The following PFKFB4 variants were observed in gnomAD, a reference collection of about 807,000 sequenced individuals.
PFKFB4 encodes 6-phosphofructo-2-kinase/fructose-2,6-bisphosphatase 4.
A neutral mutation model predicts 62.8 loss-of-function variants in PFKFB4; 42 were observed. The observed-to-expected ratio is 0.67, with a 90% CI of 0.52 to 0.86. The LOEUF is 0.86. PFKFB4 is among the 40% of genes least tolerant of loss of function. The pLI, the probability that PFKFB4 is intolerant of heterozygous loss-of-function variation, is 0.00. For synonymous variants in PFKFB4, 204 were observed against 240.7 expected, an observed-to-expected ratio of 0.85 and a Z score of 1.41; for missense variants, 475 against 627.2, an observed-to-expected ratio of 0.76 and a Z score of 2.59.
At chr3:48,556,936 CCCCAGCTGAAAGGGG>C, upstream of PFKFB4, 1 of 1,400,702 alleles carries the variant, frequency 7.1e-7, no homozygotes, top group Non-Finnish European at 9.3e-7. The surrounding 1 kb of genome is among the most constrained non-coding windows in gnomAD (Gnocchi z 5.7). Flanking sequence ...GTAGGCTCCG[CCCCAGCTGAAAGGGG>C]CCCGGCCTCC....
At chr3:48,550,050 T>A in intron 2 of PFKFB4, 68 bp downstream of exon 2, 3 of 1,281,594 alleles carry the variant, frequency 2.3e-6, no homozygotes, top group South Asian at 1.2e-5. Context: ...TAATAGAGAA[T>A]AGGCCTTCTC....
rs769397749 is a variant in PFKFB4, at chr3:48,539,272, G to A, written c.492C>T (p.Val164=). 9.3e-6 allele frequency: 15 copies of A among 1,613,640 alleles called. No homozygotes were observed. Among genetic ancestry groups the A allele is most frequent in the Non-Finnish European group, 1.2e-5 (14 of 1,179,800 alleles). Residue 164 remains valine, a synonymous_variant, in exon 6 of 14, where the codon GTC becomes GTT. Coordinates refer to ENST00000232375, the MANE Select transcript of PFKFB4 (RefSeq NM_004567.4). The stretch of plus-strand genomic sequence containing the variant: ...TACTCACCACGATGTTGGCAGCTAT[G>A]ACCTCAGGATCCACACAGATGGACT... ...FVESICVDPE[V]IAANIVQVKL... is the part of the protein sequence containing the mutation.
rs1249056527 is a variant in PFKFB4, at chr3:48,543,593, C to T, written c.365G>A (p.Gly122Glu). ...TGTCACACTCACCGCCACATGTCCC[C>T]CCTCCTCACTAAGGAACCGCCGGAC... ...RDVRRFLSEE[G>E]GHVAVFDATN... is the part of the protein sequence containing the mutation. Residue 122 changes from glycine (G) to glutamate (E), a missense_variant, in exon 4 of 14, where the codon GGG becomes GAG. Coordinates refer to ENST00000232375, the MANE Select transcript of PFKFB4 (RefSeq NM_004567.4). The T allele has an allele frequency of 1.2e-6, 2 of 1,610,384 alleles. No homozygotes were observed. The highest frequency in any genetic ancestry group is 1.7e-5 in the Admixed American group (1 of 59,550).
chr3:48,549,845 A>G lies in PFKFB4; in HGVS notation c.311+19T>C. Reference sequence around the variant, plus strand: ...GTCCCCCAGCAACCTCTCCCCCCACACCCAACACATATACTTACTTCCTGA... The same window carrying G: ...GTCCCCCAGCAACCTCTCCCCCCACGCCCAACACATATACTTACTTCCTGA... On this transcript the variant is annotated intron_variant, in intron 3 of 13. Transcript: ENST00000232375. The G allele has an allele frequency of 6.7e-7, 1 of 1,489,602 alleles. No individual in the cohort carries two copies. The highest frequency in any genetic ancestry group is 1.4e-5 in the African/African-American group (1 of 72,436). 92.3% of individuals were successfully genotyped at this position (1,489,602 alleles called of 1,614,324 possible).
chr3:48,529,553 C>A (rs1318493372), intron 9 of PFKFB4, among the ~76,000 whole-genome samples: 2 of 152,162 alleles, frequency 1.3e-5, no homozygotes, highest in African/African-American at 4.8e-5. Flanking sequence ...AGGGAAGACA[C>A]TGTCCTATAA....
chr3:48,522,005 G>C lies in PFKFB4; in HGVS notation c.1331C>G (p.Thr444Arg). The change falls in exon 13 of 14, where the codon ACG (threonine) becomes AGG (arginine). Residue 444 changes from threonine to arginine, a missense_variant. Physicochemically the swap from Thr to Arg is moderately conservative, Grantham distance 71. Transcript: ENST00000232375. ...SIFLNVAAVN[T>R]HRDRPQNVDI... ...TGCTACCTGAGGCCTGTCCCGGTGC[G>C]TGTTCACAGCAGCCACGTTCAGGAA... 1 of 1,614,106 alleles carries C rather than the reference G, an allele frequency of 6.2e-7. No individual in the cohort carries two copies. The highest frequency in any genetic ancestry group is 8.5e-7 in the Non-Finnish European group (1 of 1,179,966).
At chr3:48,553,468 T>A (rs1386174679) in intron 1 of PFKFB4, among the ~76,000 whole-genome samples, 1 of 150,484 alleles carries the variant, frequency 6.6e-6, no homozygotes, top group Non-Finnish European at 1.5e-5. Flanking sequence ...AGCAAGACTG[T>A]CTCCAAAAAA....
At position 48,550,249 on chromosome 3, in the gene PFKFB4, G is replaced by A. The variant is rs1360605018; in HGVS notation, c.98-15C>T. 6.4e-7 allele frequency: 1 copy of A among 1,561,568 alleles called. No homozygotes were observed. Among genetic ancestry groups the A allele is most frequent in the Admixed American group, 1.7e-5 (1 of 59,936 alleles). ...GGTCATGCACACTAAAAGGCAAGCA[G>A]CACAGTGTCAGATGAGGGCTGGGAC... On this transcript the variant is annotated splice_polypyrimidine_tract_variant and intron_variant, in intron 1 of 13. Coordinates refer to ENST00000232375, the MANE Select transcript of PFKFB4 (RefSeq NM_004567.4).
intron 1 of PFKFB4, among the ~76,000 whole-genome samples, chr3:48,551,645 A>G (rs1281695405): frequency 6.9e-6 from 1 of 144,192 alleles, no homozygotes; most frequent in Non-Finnish European, 1.5e-5. Flanking sequence ...CCCGGGCTCA[A>G]GCAATTCTCG....
intron 3 of PFKFB4, among the ~76,000 whole-genome samples, chr3:48,548,952 T>C (rs2043045626): frequency 6.6e-6 from 1 of 152,120 alleles, no homozygotes; most frequent in South Asian, 2.1e-4. Context: ...TAGCCTAGTG[T>C]GGACCCCAGT....
intron 13 of PFKFB4, 69 bp from the exon 14 acceptor site, chr3:48,519,875 C>A: frequency 8.0e-7 from 1 of 1,257,006 alleles, no homozygotes. Flanking sequence ...GTCTGCCGTC[C>A]TCATCACTGT....
chr3:48,535,125 A>G (rs1325270446), intron 9 of PFKFB4, among the ~76,000 whole-genome samples: 1 of 152,174 alleles, frequency 6.6e-6, no homozygotes, highest in Non-Finnish European at 1.5e-5. Flanking sequence ...GCATCTTTAA[A>G]GAGACAAAGG....
Position 48,523,568 on chromosome 3 carries a change from G to C in PFKFB4, c.1254C>G (p.His418Gln), listed in dbSNP as rs1453643214. 6.2e-7 allele frequency: 1 copy of C among 1,614,060 alleles called. No homozygotes were observed. The highest frequency in any genetic ancestry group is 1.7e-5 in the Admixed American group (1 of 60,000). Residue 418 changes from histidine to glutamine, a missense_variant, in exon 12 of 14, where the codon CAC becomes CAG. By Grantham distance (24) the His-to-Gln change is conservative. Transcript: ENST00000232375. ...EQLPYLKCPLHTVLKLTPVAY... is the reference protein window; with the variant it reads ...EQLPYLKCPLQTVLKLTPVAY... The stretch of plus-strand genomic sequence containing the variant: ...CCACAGGAGTCAGCTTCAGGACTGT[G>C]TGCAGCGGACACTTGAGGTAGGGCA...
intron 9 of PFKFB4, 37 bp from the exon 10 acceptor site, chr3:48,525,706 C>T (rs767823848): frequency 1.6e-6 from 2 of 1,218,592 alleles, no homozygotes; most frequent in Admixed American, 3.8e-5. Context: ...CTCCTACAGG[C>T]CCAGAAGATG....
intron 6 of PFKFB4, 104 bp from the exon 7 acceptor site, chr3:48,538,723 G>C: frequency 2.7e-6 from 4 of 1,475,092 alleles, no homozygotes; most frequent in Non-Finnish European, 3.7e-6. Flanking sequence ...GGTTGCACCG[G>C]AGACCAGTGC....
At chr3:48,555,918 A>C (rs540211480) in intron 1 of PFKFB4, among the ~76,000 whole-genome samples, 2 of 152,170 alleles carry the variant, frequency 1.3e-5, no homozygotes, top group South Asian at 2.1e-4. Context: ...TAAAAAAAAA[A>C]AAAACTGCCA....
chr3:48,531,390 G>T (rs567934070), intron 9 of PFKFB4, among the ~76,000 whole-genome samples: 27 of 151,874 alleles, frequency 1.8e-4, no homozygotes, highest in Non-Finnish European at 3.1e-4. Context: ...CCAGCTACTC[G>T]GGAGGCTGAG....
At chr3:48,527,265 T>A (rs2042292338) in intron 9 of PFKFB4, among the ~76,000 whole-genome samples, 1 of 151,886 alleles carries the variant, frequency 6.6e-6, no homozygotes, top group South Asian at 2.1e-4. Context: ...ATACTTTTTT[T>A]TTTTTTAACA....
At chr3:48,555,860 C>T (rs553642775) in intron 1 of PFKFB4, among the ~76,000 whole-genome samples, 26 of 151,924 alleles carry the variant, frequency 1.7e-4, no homozygotes, top group African/African-American at 5.6e-4. Flanking sequence ...ACTATGATCG[C>T]GCCACTGCAC....
Sources: allele counts gnomAD v4.1 joint callset (sites outside exome capture counted in the v4.1 genomes callset), GRCh38; gene constraint gnomAD v4.1.1; non-coding constraint Gnocchi (gnomAD v3.1); transcripts MANE v1.5; gene names NCBI Gene and HGNC (gene_info 2026-07-23, HGNC 2026-07-21).